Variants in ACLY observed in about 807,000 individuals in gnomAD.
ACLY encodes ATP citrate lyase.
In ACLY, 41 loss-of-function variants were observed where a neutral mutation model predicts 133.0. The observed-to-expected ratio is 0.31, with a 90% CI of 0.24 to 0.40. The LOEUF is 0.40. Among genes scored for constraint, ACLY ranks in the 10% least tolerant of loss-of-function variants. The pLI is 1.00. For synonymous variants in ACLY, 495 were observed against 549.3 expected, an observed-to-expected ratio of 0.90 and a Z score of 1.38; for missense variants, 1,046 against 1,453.8, an observed-to-expected ratio of 0.72 and a Z score of 4.56.
At chr17:41,875,593 C>T (rs1194332841) in intron 22 of ACLY, among the ~76,000 whole-genome samples, 8 of 152,152 alleles carry the variant, frequency 5.3e-5, no homozygotes, top group Non-Finnish European at 1.2e-4. Context: ...AGGCGCGCGC[C>T]GCCACGCCTG....
upstream of ACLY, among the ~76,000 whole-genome samples, chr17:41,919,945 C>A (rs1567919715): frequency 6.6e-6 from 1 of 152,176 alleles, no homozygotes; most frequent in South Asian, 2.1e-4. Flanking sequence ...ACCTGCACCC[C>A]AACCCTGTAG....
chr17:41,918,531 G>A (rs938930840), intron 1 of ACLY, among the ~76,000 whole-genome samples: 8 of 152,230 alleles, frequency 5.3e-5, no homozygotes, highest in African/African-American at 1.9e-4. Context: ...GTCCCGATGA[G>A]CCCGAGGAGC....
In ACLY at chr17:41,868,687, AAAC is replaced by A. The variant is rs1457594658; in HGVS notation, c.3211+19_3211+21del. The A allele has an allele frequency of 1.2e-6, 2 of 1,609,592 alleles. No individual in the cohort carries two copies. The highest frequency in any genetic ancestry group is 1.7e-6 in the Non-Finnish European group (2 of 1,177,352). On this transcript the variant is annotated intron_variant, in intron 28 of 28. Transcript: ENST00000352035. ...CGTGGGGTTTAAAAAAAAACACTTA[AAAC>A]AACAACGAATGGACTCACCAATGAA...
At chr17:41,876,519 T>C (rs1567886674) in intron 22 of ACLY, among the ~76,000 whole-genome samples, 1 of 152,254 alleles carries the variant, frequency 6.6e-6, no homozygotes, top group Non-Finnish European at 1.5e-5. Context: ...TTGCCGTGTC[T>C]GTGTAGAAAG....
chr17:41,887,362 C>G (rs1555628390), intron 17 of ACLY, among the ~76,000 whole-genome samples: 1 of 151,222 alleles, frequency 6.6e-6, no homozygotes, highest in Non-Finnish European at 1.5e-5. Flanking sequence ...TCACTTGAAC[C>G]CGGAAGCGGA....
chr17:41,912,415 C>T lies in ACLY; in HGVS notation c.282+5G>A. On this transcript the variant is annotated splice_donor_5th_base_variant and intron_variant, in intron 3 of 28. Coordinates refer to ENST00000352035, the MANE Select transcript of ACLY (RefSeq NM_001096.3). The stretch of plus-strand genomic sequence containing the variant: ...CACGTTCATCCTGACCCCATGCCCA[C>T]TCACTGTGGCTTCCTGTCCCAGCCG... 1 of 1,613,920 alleles carries T rather than the reference C, an allele frequency of 6.2e-7. No individual in the cohort carries two copies. Among genetic ancestry groups the T allele is most frequent in the Non-Finnish European group, 8.5e-7 (1 of 1,179,872 alleles).
At chr17:41,887,127 GAA>G (rs535668437) in intron 17 of ACLY, among the ~76,000 whole-genome samples, 369 of 110,240 alleles carry the variant, frequency 3.3e-3, no homozygotes, top group African/African-American at 0.014. Flanking sequence ...CCGTCTCAAA[GAA>G]AAAAAAAAAA....
chr17:41,903,145 C>A (rs1169424126), intron 10 of ACLY, among the ~76,000 whole-genome samples: 11 of 152,066 alleles, frequency 7.2e-5, no homozygotes, highest in African/African-American at 2.7e-4. Context: ...TCATTATTCT[C>A]AAAACTCACA....
intron 1 of ACLY, 125 bp from the exon 2 acceptor site, chr17:41,914,021 G>T: frequency 1.1e-6 from 1 of 950,568 alleles, no homozygotes; most frequent in Non-Finnish European, 1.6e-6. Flanking sequence ...TTTCTCAAGA[G>T]GAAGGAAAAA....
Position 41,909,709 on chromosome 17 carries a change from T to C in ACLY, c.346-9A>G, listed in dbSNP as rs1555633346. 2 of 1,613,242 alleles carry C rather than the reference T, an allele frequency of 1.2e-6. No homozygotes were observed. Among genetic ancestry groups the C allele is most frequent in the South Asian group, 2.2e-5 (2 of 91,012 alleles). On this transcript the variant is annotated splice_polypyrimidine_tract_variant and intron_variant, in intron 4 of 28. Coordinates refer to ENST00000352035, the MANE Select transcript of ACLY (RefSeq NM_001096.3). ...ACATAGAACTCCTCAGCCTTGCAGG[T>C]GAAGAGACAGGACAGTGGGATTGGG...
chr17:41,874,302 C>G (rs1310216994), intron 22 of ACLY, among the ~76,000 whole-genome samples: 1 of 152,172 alleles, frequency 6.6e-6, no homozygotes, highest in Non-Finnish European at 1.5e-5. Flanking sequence ...CAGAGTCTCT[C>G]TGTTGCCCAG....
In ACLY at chr17:41,887,592, A is replaced by G. The variant is rs782478550; in HGVS notation, c.1875+7T>C. ...AACGTAAAAGGCTTTCCGGAGGGGA[A>G]GCTCACAGTGGCAGGTCCGATGATG... On this transcript the variant is annotated splice_region_variant and intron_variant, in intron 17 of 28. Coordinates refer to ENST00000352035, the MANE Select transcript of ACLY (RefSeq NM_001096.3). 45 of 1,612,880 alleles carry G rather than the reference A, an allele frequency of 2.8e-5. No homozygotes were observed. The highest frequency in any genetic ancestry group is 3.7e-5 in the Non-Finnish European group (44 of 1,179,102).
At chr17:41,909,762 G>A (rs908486330) in intron 4 of ACLY, 62 bp from the exon 5 acceptor site, 17 of 1,471,876 alleles carry the variant, frequency 1.2e-5, no homozygotes, top group East Asian at 9.2e-5. Flanking sequence ...GGTGAGGGGC[G>A]CTGAACTGGG....
intron 16 of ACLY, among the ~76,000 whole-genome samples, chr17:41,888,707 GAGACC>G (rs2049119130): frequency 6.6e-6 from 1 of 152,022 alleles, no homozygotes; most frequent in South Asian, 2.1e-4. Context: ...GCAACACAGG[GAGACC>G]CGGTAGGAGG....
intron 22 of ACLY, 31 bp from the exon 23 acceptor site, chr17:41,873,996 G>A (rs1555625567): frequency 6.4e-7 from 1 of 1,560,852 alleles, no homozygotes; most frequent in Admixed American, 1.8e-5. Context: ...GGGAAGCAGG[G>A]CCCTGGTGAC....
chr17:41,878,244 G>A, intron 21 of ACLY, 48 bp from the exon 22 acceptor site: 1 of 1,399,092 alleles, frequency 7.1e-7, no homozygotes, highest in Non-Finnish European at 9.6e-7. Context: ...TCTTATTTTG[G>A]GCTCCTGTAA....
At chr17:41,918,579 G>A (rs1000729383) in intron 1 of ACLY, among the ~76,000 whole-genome samples, 7 of 152,356 alleles carry the variant, frequency 4.6e-5, no homozygotes, top group East Asian at 3.9e-4. Flanking sequence ...GGCGCGCCAG[G>A]AGGGGGACCA....
In ACLY at chr17:41,875,717, T is replaced by A. The variant is rs371591431; in HGVS notation, c.2488-1752A>T. On this transcript the variant is annotated intron_variant, in intron 22 of 28. Transcript: ENST00000352035. ...CCTCGGCCTCCTGAGGTGCCGGGAT[T>A]GCAGACGGAGTCTCGTTCACTCAGT... Among the ~76,000 whole-genome samples the A allele has an allele frequency of 2.2e-4, 34 of 152,348 alleles. 1 individual carries two copies. In the South Asian group the frequency reaches 7.0e-3, roughly 32 times the overall value.
In ACLY at chr17:41,884,175, T is replaced by C; in HGVS notation, c.2154+18A>G. On this transcript the variant is annotated intron_variant, in intron 19 of 28. Coordinates refer to ENST00000352035, the MANE Select transcript of ACLY (RefSeq NM_001096.3). ...TTACAGTTTTAAAATCATAATTTTT[T>C]TTTTTAAAGTAACTCACCTCTCCAA... 2.0e-6 allele frequency: 3 copies of C among 1,495,784 alleles called. No homozygotes were observed. Among genetic ancestry groups the C allele is most frequent in the Non-Finnish European group, 2.8e-6 (3 of 1,076,816 alleles). The allele number at this position is 1,495,784 out of a possible 1,614,324, so 92.7% of individuals were successfully genotyped here. A position where few individuals can be genotyped will look rare whatever the true frequency, so the allele number is the denominator to read the frequency against.
Sources: gnomAD v4.1 joint callset for allele counts (sites outside exome capture counted in the v4.1 genomes callset) on GRCh38, gnomAD v4.1.1 for gene constraint, MANE v1.5 for transcripts, NCBI Gene and HGNC (gene_info 2026-07-23, HGNC 2026-07-21) for gene names.